Variants in HUNK observed in about 807,000 individuals in gnomAD.
The protein encoded by HUNK is hormonally up-regulated neu tumor-associated kinase.
HUNK carries 21 observed loss-of-function variants against 61.0 expected under a neutral mutation model. The observed-to-expected ratio is 0.34, with a 90% CI of 0.24 to 0.50. The LOEUF is 0.50. Among genes scored for constraint, HUNK ranks in the 20% least tolerant of loss-of-function variants. The probability of loss-of-function intolerance (pLI) is 0.98; values close to 1 mark genes in which losing one functional copy is unlikely to be tolerated. For synonymous variants in HUNK, 371 were observed against 386.1 expected (o/e 0.96, Z 0.46); for missense variants, 772 against 945.7 (o/e 0.82, Z 2.41).
intron 7 of HUNK, among the ~76,000 whole-genome samples, chr21:31,975,824 A>C (rs2123853492): frequency 6.6e-6 from 1 of 152,376 alleles, no homozygotes; most frequent in South Asian, 2.1e-4. Flanking sequence ...GACCAAATTA[A>C]TACCCGGAGG....
rs74382329 is a variant in HUNK, at chr21:31,975,797, G to A, written c.1173+1080G>A. On this transcript the variant is annotated intron_variant, in intron 7 of 10. Transcript: ENST00000270112. ...CTGCAGTTGGGGAAATGATATTCTC[G>A]CTGGCATGGTGGAGATGACCAAATT... 6.7e-3 allele frequency among the ~76,000 whole-genome samples: 1,020 copies of A among 152,282 alleles called. 26 individuals are homozygous for A. The East Asian group carries it at 0.086, about 13-fold the overall frequency.
At chr21:31,955,919 C>T (rs1236683260) in intron 4 of HUNK, among the ~76,000 whole-genome samples, 4 of 152,206 alleles carry the variant, frequency 2.6e-5, no homozygotes, top group African/African-American at 7.2e-5. Context: ...GGGACAGAAT[C>T]TTGGTTTTGT....
chr21:31,909,832 A>G (rs892580259), intron 1 of HUNK, among the ~76,000 whole-genome samples: 1 of 152,238 alleles, frequency 6.6e-6, no homozygotes, highest in African/African-American at 2.4e-5. Flanking sequence ...ATTTACCCAC[A>G]TCGTTTCTTT....
chr21:31,924,414 C>T lies in HUNK; in HGVS notation c.262-54C>T, dbSNP rs2052645300. 3 of 1,524,344 alleles carry T rather than the reference C, an allele frequency of 2.0e-6. No individual in the cohort carries two copies. Among genetic ancestry groups the T allele is most frequent in the Non-Finnish European group, 1.8e-6 (2 of 1,124,642 alleles). 94.4% of individuals were successfully genotyped at this position (1,524,344 alleles called of 1,614,324 possible). A position where few individuals can be genotyped will look rare whatever the true frequency, so the allele number is the denominator to read the frequency against. ...CTTGGGTTCCTGTGAGTAGCCAAGG[C>T]ATCGCTATTGTCTGTAATGTCTGAT... is the stretch of plus-strand genomic sequence containing the variant. On this transcript the variant is annotated intron_variant, in intron 1 of 10. Coordinates refer to ENST00000270112, the MANE Select transcript of HUNK (RefSeq NM_014586.2). This position sits in a 1 kb window ranked among gnomAD's most constrained non-coding sequence, Gnocchi z 5.1.
intron 7 of HUNK, among the ~76,000 whole-genome samples, chr21:31,981,607 T>C (rs1245236835): frequency 1.3e-5 from 2 of 152,194 alleles, no homozygotes; most frequent in Non-Finnish European, 2.9e-5. Flanking sequence ...AGCATTTGAT[T>C]TTTTTATGGC....
chr21:31,969,577 T>C (rs2052995970), intron 6 of HUNK, among the ~76,000 whole-genome samples: 1 of 151,820 alleles, frequency 6.6e-6, no homozygotes, highest in Non-Finnish European at 1.5e-5. Flanking sequence ...TTTCTTTTTT[T>C]TTTTTTTGAG....
chr21:31,908,290 C>T (rs955120786), intron 1 of HUNK, among the ~76,000 whole-genome samples: 3 of 151,914 alleles, frequency 2.0e-5, no homozygotes, highest in Non-Finnish European at 2.9e-5. Context: ...AACTTCTCAT[C>T]GAGGAATCTG....
Position 31,873,927 on chromosome 21 carries a change from G to T in HUNK, c.253G>T (p.Gly85Trp). ...GCGCGAGGGGCTGCACGTGCTGACCGGGGAGAAGGTGAGTCTCCCGGGCGC... is the reference window on the plus strand; with the variant it reads ...GCGCGAGGGGCTGCACGTGCTGACCTGGGAGAAGGTGAGTCTCCCGGGCGC... ...KVREGLHVLT[G>W]EKVAIKVIDK... Residue 85 changes from glycine (G) to tryptophan (W), a missense_variant, in exon 1 of 11, where the codon GGG becomes TGG. Physicochemically the swap from Gly to Trp is radical, Grantham distance 184. This residue lies in a region of HUNK where 359 missense variants were observed against 501.3 expected (regional missense o/e 0.72). Transcript: ENST00000270112. The surrounding 1 kb of genome is among the most constrained non-coding windows in gnomAD (Gnocchi z 6.1). The T allele has an allele frequency of 6.5e-7, 1 of 1,546,076 alleles. No individual in the cohort carries two copies. The highest frequency in any genetic ancestry group is 8.7e-7 in the Non-Finnish European group (1 of 1,148,962).
chr21:31,937,864 T>G (rs2052742344), intron 2 of HUNK, among the ~76,000 whole-genome samples: 1 of 152,194 alleles, frequency 6.6e-6, no homozygotes, highest in Admixed American at 6.5e-5. Context: ...ATATTTGGAG[T>G]CACCCTATAT....
At chr21:31,905,194 C>A (rs1388975406) in intron 1 of HUNK, among the ~76,000 whole-genome samples, 2 of 151,898 alleles carry the variant, frequency 1.3e-5, no homozygotes, top group African/African-American at 4.8e-5. Flanking sequence ...TAGGGAAGAC[C>A]GCATGAAGAC....
chr21:31,898,833 T>C (rs1279724937), intron 1 of HUNK, among the ~76,000 whole-genome samples: 1 of 152,160 alleles, frequency 6.6e-6, no homozygotes, highest in Middle Eastern at 3.2e-3. Flanking sequence ...CTACTGATGC[T>C]AGAAGACTGA....
At position 31,873,048 on chromosome 21, in the gene HUNK, G is replaced by A. The variant is rs892498762; in HGVS notation, c.-627G>A. Among the ~76,000 whole-genome samples, 13 of 152,172 alleles carry A rather than the reference G, an allele frequency of 8.5e-5. No individual in the cohort carries two copies. The highest frequency in any genetic ancestry group is 3.1e-4 in the African/African-American group (13 of 41,460). On this transcript the variant is annotated 5_prime_UTR_variant, in exon 1 of 11. Transcript: ENST00000270112. The surrounding 1 kb of genome is among the most constrained non-coding windows in gnomAD (Gnocchi z 6.1). ...AGGGATTTGAAAGTGCACGGGCTGCGGAGTGGAGCTCGCATCTGTTCCCGC... is the reference window on the plus strand; with the variant it reads ...AGGGATTTGAAAGTGCACGGGCTGCAGAGTGGAGCTCGCATCTGTTCCCGC...
chr21:31,981,234 G>A (rs1179156966), intron 7 of HUNK, among the ~76,000 whole-genome samples: 1 of 152,198 alleles, frequency 6.6e-6, no homozygotes, highest in Non-Finnish European at 1.5e-5. Flanking sequence ...TTTTATGCCA[G>A]TATCATGCTG....
intron 9 of HUNK, among the ~76,000 whole-genome samples, chr21:31,992,735 C>T (rs940229805): frequency 3.3e-5 from 5 of 152,240 alleles, no homozygotes; most frequent in African/African-American, 1.2e-4. Context: ...TAGCATCCTG[C>T]TCCCTAGGAA....
chr21:31,896,493 A>G (rs922853146), intron 1 of HUNK, among the ~76,000 whole-genome samples: 5 of 152,328 alleles, frequency 3.3e-5, no homozygotes, highest in Middle Eastern at 3.4e-3. Context: ...CTCCTTGAGT[A>G]AGGAAATCAA....
At chr21:31,977,792 A>G (rs569470150) in intron 7 of HUNK, among the ~76,000 whole-genome samples, 1 of 152,364 alleles carries the variant, frequency 6.6e-6, no homozygotes, top group South Asian at 2.1e-4. Flanking sequence ...CCTGGGCTCA[A>G]GCCATCCTGC....
intron 2 of HUNK, among the ~76,000 whole-genome samples, chr21:31,932,274 C>G (rs540948480): frequency 2.4e-4 from 36 of 152,182 alleles, no homozygotes; most frequent in Non-Finnish European, 4.9e-4. Flanking sequence ...TGCCTTTCTG[C>G]CCCCAGGGGT....
In HUNK at chr21:31,979,800, C is replaced by T. The variant is rs1010046078; in HGVS notation, c.1174-3726C>T. Reference sequence around the variant, plus strand: ...AAAGTGCTGGGATTACAGGCATAAGCCACCACGCCCAGCTGCATTCTTTAT... The same window carrying T: ...AAAGTGCTGGGATTACAGGCATAAGTCACCACGCCCAGCTGCATTCTTTAT... On this transcript the variant is annotated intron_variant, in intron 7 of 10. Transcript: ENST00000270112. Among the ~76,000 whole-genome samples, 9 of 152,276 alleles carry T rather than the reference C, an allele frequency of 5.9e-5. No homozygotes were observed. The South Asian group carries it at 8.3e-4, about 14-fold the overall frequency.
Position 31,900,703 on chromosome 21 carries a change from T to A in HUNK, c.262-23765T>A, listed in dbSNP as rs1185830517. ...TCAGTACTCTGGAAGTAAGCCTTTA[T>A]CCAGAGTCAGCCTTGGGTTTATCGT... On this transcript the variant is annotated intron_variant, in intron 1 of 10. Transcript: ENST00000270112. 4.6e-5 allele frequency among the ~76,000 whole-genome samples: 7 copies of A among 152,350 alleles called. No homozygotes were observed. The East Asian group carries it at 1.3e-3, about 29-fold the overall frequency.
Sources: gnomAD v4.1 joint callset for allele counts (sites outside exome capture counted in the v4.1 genomes callset) on GRCh38, gnomAD v4.1.1 for gene constraint, gnomAD v4.1.1 regional missense constraint, Gnocchi (gnomAD v3.1) non-coding constraint, MANE v1.5 for transcripts, NCBI Gene and HGNC (gene_info 2026-07-23, HGNC 2026-07-21) for gene names.